The following SOD2 variants were observed in gnomAD, a reference collection of about 807,000 sequenced individuals.
The protein encoded by SOD2 is superoxide dismutase [Mn], mitochondrial.
In SOD2, 11 loss-of-function variants were observed where a neutral mutation model predicts 27.0. The observed-to-expected ratio is 0.41, with a 90% CI of 0.26 to 0.67. The LOEUF (loss-of-function observed/expected upper bound fraction) is 0.67, where lower values mean the gene tolerates loss of function less well. Among genes scored for constraint, SOD2 ranks in the 30% least tolerant of loss-of-function variants. The probability of loss-of-function intolerance (pLI) is 0.34; values close to 1 mark genes in which losing one functional copy is unlikely to be tolerated. For synonymous variants in SOD2, 105 were observed against 103.0 expected (o/e 1.02, Z -0.12); for missense variants, 250 against 274.5 (o/e 0.91, Z 0.63).
chr6:159,727,656 C>T (rs938556538), upstream of SOD2: 9 of 985,584 alleles, frequency 9.1e-6, no homozygotes, highest in African/African-American at 8.8e-5. Context: ...AGCAGCGCGG[C>T]CTCGGCCTAT....
exon 1 of SOD2, chr6:159,761,595 G>T: frequency 2.2e-6 from 1 of 455,746 alleles, no homozygotes; most frequent in Admixed American, 2.4e-5. Flanking sequence ...CGCGGGCCGG[G>T]CTCGCACTCG....
intron 1 of SOD2, among the ~76,000 whole-genome samples, chr6:159,723,787 T>G (rs1778086631): frequency 2.0e-5 from 3 of 152,172 alleles, no homozygotes; most frequent in Admixed American, 1.3e-4. Flanking sequence ...TTCTTTTTGA[T>G]AGGGTCTGTT....
intron 2 of SOD2, among the ~76,000 whole-genome samples, chr6:159,690,284 CA>C (rs11429489): frequency 2.4e-3 from 163 of 67,032 alleles, no homozygotes; most frequent in African/African-American, 4.1e-3. Context: ...GAGATTCCGT[CA>C]AAAAAAAAAA....
chr6:159,729,129 C>G (rs1175860249), upstream of SOD2, among the ~76,000 whole-genome samples: 1 of 152,158 alleles, frequency 6.6e-6, no homozygotes, highest in African/African-American at 2.4e-5. Context: ...ACAATTTGTA[C>G]AGTACATTAA....
chr6:159,688,600 C>T (rs1417884225), intron 2 of SOD2, among the ~76,000 whole-genome samples: 1 of 152,176 alleles, frequency 6.6e-6, no homozygotes, highest in East Asian at 1.9e-4. Context: ...ACCTTCAACT[C>T]TCACTTTCAA....
At chr6:159,702,496 T>C (rs1248683454) in intron 1 of SOD2, among the ~76,000 whole-genome samples, 3 of 151,026 alleles carry the variant, frequency 2.0e-5, no homozygotes, top group Non-Finnish European at 4.4e-5. Flanking sequence ...GGTTTCACCA[T>C]GATGACCAGG....
At chr6:159,761,227 CTG>C (rs1780117599) in exon 1 of SOD2, 2 of 198,380 alleles carry the variant, frequency 1.0e-5, no homozygotes. Flanking sequence ...CAACAAGTTG[CTG>C]TAACGGTGGC....
At chr6:159,689,128 T>C (rs9456443) in intron 2 of SOD2, among the ~76,000 whole-genome samples, 33,982 of 152,184 alleles carry the variant, frequency 0.22, 4,026 homozygotes, top group East Asian at 0.4. Flanking sequence ...GACCCCGTCA[T>C]TGAGCACGTG....
rs976912364 is a variant in SOD2 at position 159,676,917 on chromosome 6, C to A, written c.*5576G>T. On this transcript the variant is annotated 3_prime_UTR_variant, in exon 5 of 5. Transcript: ENST00000538183. ...CCAGTACCTAATTCAATGTTCTTTC[C>A]ATGCCCACACAAAGGCAAGCAGCAG... The A allele has an allele frequency of 6.6e-6, 1 of 151,994 alleles. No homozygotes were observed. The allele number at this position is 151,994 out of a possible 1,614,324, so 9.4% of individuals were successfully genotyped here.
intron 1 of SOD2, chr6:159,755,765 CTTTTT>C: frequency 5.1e-3 from 878 of 172,618 alleles, no homozygotes; most frequent in East Asian, 6.9e-3. Context: ...TTTTTCTTTT[CTTTTT>C]TTTTTTTTTT....
At chr6:159,756,454 C>T (rs1223731041) in intron 1 of SOD2, 2 of 152,184 alleles carry the variant, frequency 1.3e-5, no homozygotes, top group Non-Finnish European at 2.9e-5. Context: ...ATTTTGCACA[C>T]AATTTTTAAT....
chr6:159,756,816 C>G (rs1041226439), intron 1 of SOD2, among the ~76,000 whole-genome samples: 1 of 152,120 alleles, frequency 6.6e-6, no homozygotes, highest in South Asian at 2.1e-4. Flanking sequence ...GTTGCACAGG[C>G]TGGCCTCAAA....
At chr6:159,762,018 T>G (rs768558939) in exon 1 of SOD2, 3 of 1,570,954 alleles carry the variant, frequency 1.9e-6, no homozygotes, top group Non-Finnish European at 1.7e-6. Context: ...GCGGCAGGCC[T>G]GTGGGCTGCG....
At chr6:159,735,202 G>A (rs114119472) in intron 1 of SOD2, among the ~76,000 whole-genome samples, 2,278 of 152,224 alleles carry the variant, frequency 0.015, 58 homozygotes, top group African/African-American at 0.052. Flanking sequence ...GCAGTGGCGC[G>A]CCATCTCGGC....
upstream of SOD2, among the ~76,000 whole-genome samples, chr6:159,695,609 C>T (rs1777409350): frequency 6.6e-6 from 1 of 152,210 alleles, no homozygotes; most frequent in African/African-American, 2.4e-5. Context: ...ATTCTTCCAC[C>T]TCAGCCTCCC....
At chr6:159,747,823 G>A (rs1027705668), upstream of SOD2, among the ~76,000 whole-genome samples, 9 of 152,130 alleles carry the variant, frequency 5.9e-5, no homozygotes, top group African/African-American at 1.9e-4. Context: ...TAAAATGTAT[G>A]TAGCCACTTT....
intron 1 of SOD2, among the ~76,000 whole-genome samples, chr6:159,708,125 A>G (rs1777662366): frequency 6.6e-6 from 1 of 152,242 alleles, no homozygotes; most frequent in Admixed American, 6.5e-5. Context: ...ATCTCAAAAT[A>G]ATAAGAGCTA....
intron 1 of SOD2, among the ~76,000 whole-genome samples, chr6:159,753,951 C>G (rs1467260723): frequency 1.3e-5 from 2 of 152,124 alleles, no homozygotes; most frequent in African/African-American, 2.4e-5. Flanking sequence ...ATAAGCATTT[C>G]TCGTTAAGTG....
At chr6:159,707,452 A>G (rs1283009599) in intron 1 of SOD2, among the ~76,000 whole-genome samples, 1 of 152,242 alleles carries the variant, frequency 6.6e-6, no homozygotes, top group African/African-American at 2.4e-5. Flanking sequence ...CCGATCCCAC[A>G]GAAATACAAA....
Sources: gnomAD v4.1 joint callset for allele counts (sites outside exome capture counted in the v4.1 genomes callset) on GRCh38, gnomAD v4.1.1 for gene constraint, MANE v1.5 for transcripts, NCBI Gene and HGNC (gene_info 2026-07-23, HGNC 2026-07-21) for gene names.